The following MOV10L1 variants were observed in gnomAD, a reference collection of about 807,000 sequenced individuals.
MOV10L1 encodes Mov10 like RNA helicase 1, also known as RNA helicase Mov10l1.
In MOV10L1, 110 loss-of-function variants were observed where a neutral mutation model predicts 143.8. The ratio of observed to expected loss-of-function variants is 0.76; its 90% CI spans 0.66 to 0.90. The LOEUF (loss-of-function observed/expected upper bound fraction) is 0.90, where lower values mean the gene tolerates loss of function less well. Ranked by LOEUF, MOV10L1 falls within the 40% of genes least tolerant of loss-of-function variation. The probability of loss-of-function intolerance (pLI) is 0.00; values close to 1 mark genes in which losing one functional copy is unlikely to be tolerated. For missense variants in MOV10L1, 1,406 were observed against 1,526.8 expected (o/e 0.92, Z 1.32); for synonymous variants, 593 against 581.1 (o/e 1.02, Z -0.29).
intron 19 of MOV10L1, among the ~76,000 whole-genome samples, chr22:50,146,805 C>T (rs750945820): frequency 3.9e-5 from 6 of 152,162 alleles, no homozygotes; most frequent in African/African-American, 7.2e-5. Flanking sequence ...TTCATCGGCG[C>T]GTTTAACTCT....
Position 50,090,063 on chromosome 22 carries a change from A to ACGGCGGTGT in MOV10L1, c.-22_-21insGGTGTCGGC, listed in dbSNP as rs750392598. 1 of 1,237,780 alleles carries ACGGCGGTGT rather than the reference A, an allele frequency of 8.1e-7. No individual in the cohort carries two copies. Among genetic ancestry groups the ACGGCGGTGT allele is most frequent in the African/African-American group, 1.6e-5 (1 of 63,708 alleles). 76.7% of individuals were successfully genotyped at this position (1,237,780 alleles called of 1,614,324 possible). ...CGTGCGGGCGGCGGCAGCGGCGGTG[A>ACGGCGGTGT]CGGCAGCCTAGGCCGGGCGAGGGCC... is the stretch of plus-strand genomic sequence containing the variant. On this transcript the variant is annotated 5_prime_UTR_variant, in exon 1 of 27. Transcript: ENST00000262794.
chr22:50,132,389 G>A (rs1244173233), intron 13 of MOV10L1, among the ~76,000 whole-genome samples: 1 of 152,150 alleles, frequency 6.6e-6, no homozygotes, highest in African/African-American at 2.4e-5. Flanking sequence ...GTCGGTTTAA[G>A]GGAGAATTGG....
At chr22:50,108,920 G>A (rs1190437523) in intron 5 of MOV10L1, 76 bp downstream of exon 5, 12 of 1,424,100 alleles carry the variant, frequency 8.4e-6, no homozygotes, top group Admixed American at 5.6e-5. Flanking sequence ...TGAGGCAGAC[G>A]GATCACCTGA....
At chr22:50,113,354 C>T (rs1315307836) in intron 5 of MOV10L1, among the ~76,000 whole-genome samples, 1 of 152,200 alleles carries the variant, frequency 6.6e-6, no homozygotes, top group African/African-American at 2.4e-5. Flanking sequence ...CCTAACCCTG[C>T]ACTCTGAGCA....
At chr22:50,119,276 G>C (rs754206758) in intron 9 of MOV10L1, among the ~76,000 whole-genome samples, 9 of 152,170 alleles carry the variant, frequency 5.9e-5, no homozygotes, top group Non-Finnish European at 1.2e-4. Context: ...CCTGACCCGG[G>C]TTGGCTCGAG....
Position 50,143,025 on chromosome 22 carries a change from T to A in MOV10L1, c.2180-18T>A, listed in dbSNP as rs1187879375. 18 of 1,611,156 alleles carry A rather than the reference T, an allele frequency of 1.1e-5. No individual in the cohort carries two copies. The highest frequency in any genetic ancestry group is 1.5e-5 in the Non-Finnish European group (18 of 1,178,030). On this transcript the variant is annotated intron_variant, in intron 16 of 26. Coordinates refer to ENST00000262794, the MANE Select transcript of MOV10L1 (RefSeq NM_018995.3). ...AGCTGTTTGCATCTAACTGAAACTT[T>A]CTTCACTTTGAATACAGTAGATGAA...
At chr22:50,118,600 A>G (rs1008366559) in intron 9 of MOV10L1, among the ~76,000 whole-genome samples, 3 of 152,216 alleles carry the variant, frequency 2.0e-5, no homozygotes, top group Non-Finnish European at 4.4e-5. Flanking sequence ...TAATTTTGTC[A>G]GAAAACGTTT....
chr22:50,098,079 C>T (rs1381161666), intron 2 of MOV10L1, among the ~76,000 whole-genome samples: 1 of 152,074 alleles, frequency 6.6e-6, no homozygotes, highest in Admixed American at 6.6e-5. Context: ...TCAAGTGATC[C>T]ACCTGCCTCA....
intron 15 of MOV10L1, among the ~76,000 whole-genome samples, chr22:50,139,272 C>G (rs2062915808): frequency 6.6e-6 from 1 of 152,152 alleles, no homozygotes; most frequent in Middle Eastern, 3.4e-3. Context: ...AAGCCTAAAA[C>G]TATGCATCTA....
chr22:50,102,999 C>T (rs894174600), intron 3 of MOV10L1, among the ~76,000 whole-genome samples: 5 of 152,282 alleles, frequency 3.3e-5, no homozygotes, highest in South Asian at 2.1e-4. Context: ...TTCCTTCCTG[C>T]GTGTAGCCTT....
chr22:50,147,973 CTGCTGTA>C (rs2063197061), intron 19 of MOV10L1, among the ~76,000 whole-genome samples: 2 of 152,256 alleles, frequency 1.3e-5, no homozygotes. Context: ...GGGCCCAGCA[CTGCTGTA>C]AGCAGGAGCC....
chr22:50,094,372 TTTTC>T (rs1254106910), intron 2 of MOV10L1: 1 of 151,906 alleles, frequency 6.6e-6, no homozygotes, highest in African/African-American at 2.4e-5. Flanking sequence ...AAATTAATCT[TTTTC>T]TTCCTGTATG....
intron 24 of MOV10L1, among the ~76,000 whole-genome samples, chr22:50,160,415 T>A (rs2147037269): frequency 6.8e-6 from 1 of 147,898 alleles, no homozygotes; most frequent in African/African-American, 2.5e-5. Flanking sequence ...CCCAGCTAAT[T>A]TTTTTTTTTT....
chr22:50,137,181 T>C (rs1481828628), intron 15 of MOV10L1, among the ~76,000 whole-genome samples: 1 of 151,982 alleles, frequency 6.6e-6, no homozygotes, highest in Non-Finnish European at 1.5e-5. Context: ...AAGGAGAAAA[T>C]TTAGTCAATT....
chr22:50,140,723 G>A (rs1236933529), intron 15 of MOV10L1, among the ~76,000 whole-genome samples: 1 of 146,760 alleles, frequency 6.8e-6, no homozygotes, highest in Non-Finnish European at 1.5e-5. Flanking sequence ...ATTTTTTAAC[G>A]TGAAACTTTT....
At chr22:50,090,254 C>T (rs1429679379) in intron 1 of MOV10L1, 69 bp downstream of exon 1, 2 of 1,419,276 alleles carry the variant, frequency 1.4e-6, no homozygotes, top group Admixed American at 5.9e-5. Context: ...GGAGCCGCGC[C>T]CATAGGTCTT....
intron 3 of MOV10L1, among the ~76,000 whole-genome samples, chr22:50,107,783 G>A (rs368155315): frequency 2.6e-4 from 39 of 152,250 alleles, no homozygotes; most frequent in Admixed American, 3.9e-4. Context: ...CCCGAACACC[G>A]TGTGTGTGTC....
rs1468323930 is a variant in MOV10L1 at position 50,159,816 on chromosome 22, CA to C, written c.3324+32del. 10 of 1,449,110 alleles carry C rather than the reference CA, an allele frequency of 6.9e-6. No individual in the cohort carries two copies. The Admixed American group carries it at 1.7e-4, about 25-fold the overall frequency. 89.8% of individuals were successfully genotyped at this position (1,449,110 alleles called of 1,614,324 possible). On this transcript the variant is annotated intron_variant, in intron 24 of 26. Transcript: ENST00000262794. The surrounding 1 kb of genome is among the most constrained non-coding windows in gnomAD (Gnocchi z 4.1). ...TATCCCTGTTCTCCGTGGGGATGGA[CA>C]GTCAGGTGCTTGCTGCCCTGGGGGT...
intron 13 of MOV10L1, among the ~76,000 whole-genome samples, chr22:50,131,728 A>C (rs2062684048): frequency 1.4e-5 from 2 of 143,428 alleles, no homozygotes; most frequent in Admixed American, 1.5e-4. Flanking sequence ...TTGTGAAAAA[A>C]AAAAAAAGAA....
Sources: gnomAD v4.1 joint callset for allele counts (sites outside exome capture counted in the v4.1 genomes callset) on GRCh38, gnomAD v4.1.1 for gene constraint, Gnocchi (gnomAD v3.1) non-coding constraint, MANE v1.5 for transcripts, NCBI Gene and HGNC (gene_info 2026-07-23, HGNC 2026-07-21) for gene names.